The following ADAMTSL1 variants were observed in gnomAD, a reference collection of about 807,000 sequenced individuals.
The protein encoded by ADAMTSL1 is ADAMTS like 1.
A neutral mutation model predicts 201.8 loss-of-function variants in ADAMTSL1; 126 were observed. The observed-to-expected ratio is 0.62, with a 90% confidence interval of 0.54 to 0.72. The LOEUF (loss-of-function observed/expected upper bound fraction) is 0.72, where lower values mean the gene tolerates loss of function less well. Among genes scored for constraint, ADAMTSL1 ranks in the 30% least tolerant of loss-of-function variants. The pLI is 0.00. For synonymous variants in ADAMTSL1, 1,121 were observed against 903.4 expected (o/e 1.24, Z -4.32); for missense variants, 2,679 against 2,277.8 (o/e 1.18, Z -3.59).
At chr9:18,843,744 T>G (rs1200031220) in intron 23 of ADAMTSL1, among the ~76,000 whole-genome samples, 1 of 150,928 alleles carries the variant, frequency 6.6e-6, no homozygotes, top group Non-Finnish European at 1.5e-5. Flanking sequence ...CTTTTTATTC[T>G]TTTTTCTCTA....
At chr9:18,720,953 G>A (rs1240954801) in intron 14 of ADAMTSL1, among the ~76,000 whole-genome samples, 1 of 152,088 alleles carries the variant, frequency 6.6e-6, no homozygotes, top group Non-Finnish European at 1.5e-5. Context: ...TGGTTATTAT[G>A]CATCTTATTC....
At chr9:18,555,194 T>G (rs1217035136) in intron 3 of ADAMTSL1, among the ~76,000 whole-genome samples, 1 of 151,868 alleles carries the variant, frequency 6.6e-6, no homozygotes, top group Non-Finnish European at 1.5e-5. Flanking sequence ...CTTCCACAAC[T>G]TGCCGTTCAT....
intron 1 of ADAMTSL1, among the ~76,000 whole-genome samples, chr9:17,996,106 T>A (rs1006715546): frequency 6.6e-6 from 1 of 152,078 alleles, no homozygotes; most frequent in Admixed American, 6.6e-5. Context: ...TGGATAAACT[T>A]GTCTCATCTA....
chr9:18,898,076 C>G (rs1269541982), intron 26 of ADAMTSL1, among the ~76,000 whole-genome samples: 2 of 151,226 alleles, frequency 1.3e-5, no homozygotes, highest in African/African-American at 4.9e-5. Context: ...GTAGCCCCAA[C>G]TACTCGGGAG....
chr9:18,512,367 A>T (rs1310590874), intron 2 of ADAMTSL1, among the ~76,000 whole-genome samples: 2 of 152,054 alleles, frequency 1.3e-5, no homozygotes, highest in African/African-American at 4.8e-5. Context: ...ATGGTTAGAA[A>T]TGTGTTTGTT....
intron 13 of ADAMTSL1, among the ~76,000 whole-genome samples, chr9:18,702,998 G>A (rs1005623046): frequency 6.6e-6 from 1 of 152,136 alleles, no homozygotes; most frequent in Non-Finnish European, 1.5e-5. Flanking sequence ...CTGACCTCAG[G>A]TGATCTGCCT....
At chr9:18,405,777 G>A (rs901769964) in intron 2 of ADAMTSL1, among the ~76,000 whole-genome samples, 1 of 152,090 alleles carries the variant, frequency 6.6e-6, no homozygotes, top group Non-Finnish European at 1.5e-5. Flanking sequence ...TAAAAAGACA[G>A]GGAGGAAACA....
intron 8 of ADAMTSL1, among the ~76,000 whole-genome samples, chr9:18,660,011 T>C (rs1019378059): frequency 2.6e-5 from 4 of 152,158 alleles, no homozygotes; most frequent in Non-Finnish European, 5.9e-5. Context: ...GTCAGCAACC[T>C]TGATAATCGT....
chr9:18,229,327 T>C (rs191188645), intron 2 of ADAMTSL1, among the ~76,000 whole-genome samples: 40 of 152,124 alleles, frequency 2.6e-4, no homozygotes, highest in Admixed American at 2.6e-3. Context: ...ACGTTTCTGG[T>C]AGAGATGAGA....
intron 2 of ADAMTSL1, among the ~76,000 whole-genome samples, chr9:18,451,571 C>A (rs570964710): frequency 2.0e-5 from 3 of 152,280 alleles, no homozygotes; most frequent in Non-Finnish European, 4.4e-5. Flanking sequence ...TCAACCAGCT[C>A]TTGTGTAAAT....
At chr9:18,826,955 A>T (rs1824611602) in intron 22 of ADAMTSL1, among the ~76,000 whole-genome samples, 1 of 152,122 alleles carries the variant, frequency 6.6e-6, no homozygotes, top group Non-Finnish European at 1.5e-5. Flanking sequence ...TGTACCCCTA[A>T]ACATAAGAAC....
chr9:18,752,764 G>A lies in ADAMTSL1; in HGVS notation c.2007-534G>A, dbSNP rs935620894. Among the ~76,000 whole-genome samples the A allele has an allele frequency of 4.6e-5, 7 of 152,194 alleles. 1 individual carries two copies. Among genetic ancestry groups the A allele is most frequent in the Admixed American group, 3.9e-4 (6 of 15,280 alleles). On this transcript the variant is annotated intron_variant, in intron 15 of 28. Coordinates refer to ENST00000380548, the MANE Select transcript of ADAMTSL1 (RefSeq NM_001040272.6). ...CTGTTACATTATCCAGTCCCAGGCA[G>A]TGATGATGTTTAAACGTAAGACAGA...
intron 2 of ADAMTSL1, among the ~76,000 whole-genome samples, chr9:18,205,737 T>G (rs1829623328): frequency 6.6e-6 from 1 of 151,986 alleles, no homozygotes; most frequent in African/African-American, 2.4e-5. Context: ...TCATGAGATT[T>G]AGGTTAAAGA....
intron 2 of ADAMTSL1, among the ~76,000 whole-genome samples, chr9:18,334,526 G>A (rs901034625): frequency 6.6e-6 from 1 of 152,128 alleles, no homozygotes; most frequent in African/African-American, 2.4e-5. Context: ...TGGCTGGATT[G>A]TAAATTTAAA....
In ADAMTSL1 at chr9:18,639,314, C is replaced by T. The variant is rs373533093; in HGVS notation, c.737C>T (p.Thr246Ile). 3 of 1,613,038 alleles carry T rather than the reference C, an allele frequency of 1.9e-6. No individual in the cohort carries two copies. The highest frequency in any genetic ancestry group is 1.7e-5 in the Admixed American group (1 of 59,862). ...KGENSLSSTG[T>I]FLVDNSSVDF... Reference sequence around the variant, plus strand: ...GAAAACAGTCTCAGCTCCACAGGAACTTTCCTTGTGGACAATTCTAGTGTG... The same window carrying T: ...GAAAACAGTCTCAGCTCCACAGGAATTTTCCTTGTGGACAATTCTAGTGTG... The change falls in exon 7 of 29, where the codon ACT (threonine) becomes ATT (isoleucine). Residue 246 changes from threonine (T) to isoleucine (I), a missense_variant. Physicochemically the swap from Thr to Ile is moderately conservative, Grantham distance 89. Coordinates refer to ENST00000380548, the MANE Select transcript of ADAMTSL1 (RefSeq NM_001040272.6).
chr9:18,267,505 T>A (rs2132559354), intron 2 of ADAMTSL1, among the ~76,000 whole-genome samples: 1 of 152,234 alleles, frequency 6.6e-6, no homozygotes, highest in Admixed American at 6.5e-5. Flanking sequence ...AATTTGTGCA[T>A]TACCATGCTT....
At chr9:18,879,585 A>G (rs1179403265) in intron 23 of ADAMTSL1, among the ~76,000 whole-genome samples, 2 of 152,232 alleles carry the variant, frequency 1.3e-5, no homozygotes, top group African/African-American at 4.8e-5. Context: ...GTAATCCACT[A>G]AGTGTGCAAC....
intron 2 of ADAMTSL1, among the ~76,000 whole-genome samples, chr9:18,416,084 A>G (rs1489140366): frequency 2.6e-5 from 4 of 152,098 alleles, no homozygotes. Flanking sequence ...ATTATGACGA[A>G]TGGGAATATG....
chr9:18,461,219 T>A (rs559214915), intron 2 of ADAMTSL1, among the ~76,000 whole-genome samples: 4 of 152,298 alleles, frequency 2.6e-5, no homozygotes, highest in African/African-American at 7.2e-5. Context: ...TACCAAATAT[T>A]GCGTATATTT....
Sources: allele counts gnomAD v4.1 joint callset (sites outside exome capture counted in the v4.1 genomes callset), GRCh38; gene constraint gnomAD v4.1.1; transcripts MANE v1.5; gene names NCBI Gene and HGNC (gene_info 2026-07-23, HGNC 2026-07-21).